Variants in ALMS1 observed in about 807,000 individuals in gnomAD.
ALMS1 encodes the protein centrosome-associated protein ALMS1.
Under a neutral mutation model 352.2 loss-of-function variants are expected in ALMS1, and 271 were observed. The observed-to-expected ratio is 0.77, with a 90% CI of 0.70 to 0.85. The LOEUF (loss-of-function observed/expected upper bound fraction) is 0.85. Ranked by LOEUF, ALMS1 falls within the 40% of genes least tolerant of loss-of-function variation. ALMS1 has a pLI of 0.00. For synonymous variants in ALMS1, 1,865 were observed against 1,761.2 expected (o/e 1.06, Z -1.48); for missense variants, 5,445 against 4,870.7 (o/e 1.12, Z -3.51).
At chr2:73,524,911 G>A (rs188645733) in intron 11 of ALMS1, among the ~76,000 whole-genome samples, 2 of 152,214 alleles carry the variant, frequency 1.3e-5, no homozygotes, top group East Asian at 1.9e-4. Context: ...GTCTCTGGTA[G>A]CCATCTTTCT....
At chr2:73,487,086 G>T (rs1672864909) in intron 9 of ALMS1, among the ~76,000 whole-genome samples, 2 of 152,154 alleles carry the variant, frequency 1.3e-5, no homozygotes, top group African/African-American at 4.8e-5. Context: ...AATGTCACAG[G>T]ATCCTCAGGG....
Position 73,386,066 on chromosome 2 carries a change from A to G in ALMS1, c.198A>G (p.Glu66=). 1 of 1,594,002 alleles carries G rather than the reference A, an allele frequency of 6.3e-7. No homozygotes were observed. Among genetic ancestry groups the G allele is most frequent in the African/African-American group, 1.3e-5 (1 of 74,464 alleles). ...SDSHYGPQHL[E]SIDDEEDEEA... is the part of the protein sequence containing the mutation. Reference sequence around the variant, plus strand: ...CTCACTACGGGCCCCAGCATCTGGAAAGTATAGACGACGAGGAGGACGAGG... The same window carrying G: ...CTCACTACGGGCCCCAGCATCTGGAGAGTATAGACGACGAGGAGGACGAGG... The change falls in exon 1 of 23, where the codon GAA becomes GAG. Residue 66 remains glutamate, a synonymous_variant. Coordinates refer to ENST00000613296, the MANE Select transcript of ALMS1 (RefSeq NM_001378454.1).
chr2:73,497,408 G>A (rs1236425140), intron 10 of ALMS1, among the ~76,000 whole-genome samples: 1 of 151,964 alleles, frequency 6.6e-6, no homozygotes, highest in East Asian at 1.9e-4. Context: ...CGAGTAGTAT[G>A]CACACCATAC....
At chr2:73,432,462 T>G (rs1036678429) in intron 7 of ALMS1, among the ~76,000 whole-genome samples, 171 bp downstream of exon 7, 8 of 147,352 alleles carry the variant, frequency 5.4e-5, no homozygotes, top group African/African-American at 2.2e-4. Context: ...TACAAAAATA[T>G]CTTAGTACTT....
rs750953341 is a variant in ALMS1 at position 73,557,271 on chromosome 2, A to G, written c.10130A>G (p.Lys3377Arg). 1.2e-6 allele frequency: 2 copies of G among 1,614,162 alleles called. No homozygotes were observed. The highest frequency in any genetic ancestry group is 2.7e-5 in the African/African-American group (2 of 75,046). ...GGGGATGAGAACCTCTCAGACAAAA[A>G]ACAGCAAGAGATTCACAGTACAAGG... ...ITGDENLSDK[K>R]QQEIHSTRAV... Residue 3377 changes from lysine (K) to arginine (R), a missense_variant, in exon 14 of 23, where the codon AAA (lysine) becomes AGA (arginine). By Grantham distance (26) the Lys-to-Arg change is conservative. Transcript: ENST00000613296.
At chr2:73,563,718 A>T (rs1161443467) in intron 15 of ALMS1, among the ~76,000 whole-genome samples, 1 of 121,258 alleles carries the variant, frequency 8.2e-6, no homozygotes, top group East Asian at 2.1e-4. Context: ...GCGAGACTCC[A>T]TCTCAAAAAA....
intron 10 of ALMS1, among the ~76,000 whole-genome samples, chr2:73,493,273 A>T (rs918679032): frequency 1.3e-5 from 2 of 151,844 alleles, no homozygotes; most frequent in Non-Finnish European, 2.9e-5. Context: ...CCAAGATCAC[A>T]TGGCCATTGA....
intron 13 of ALMS1, among the ~76,000 whole-genome samples, chr2:73,556,643 T>TG (rs377211781): frequency 0.26 from 36,717 of 140,790 alleles, 4,898 homozygotes; most frequent in African/African-American, 0.44. Context: ...CTTTTTTTTT[T>TG]TGTTTTTTTT....
At chr2:73,472,395 A>G (rs1250564697) in intron 9 of ALMS1, among the ~76,000 whole-genome samples, 1 of 152,106 alleles carries the variant, frequency 6.6e-6, no homozygotes, top group Non-Finnish European at 1.5e-5. Flanking sequence ...TTTATAGTAG[A>G]ATAATACCTC....
intron 9 of ALMS1, among the ~76,000 whole-genome samples, chr2:73,473,808 T>C (rs1251890864): frequency 6.6e-6 from 1 of 151,690 alleles, no homozygotes; most frequent in Non-Finnish European, 1.5e-5. Context: ...TGAAGAAAGG[T>C]CAGATGATTT....
chr2:73,582,881 G>A (rs1225755670), intron 16 of ALMS1, among the ~76,000 whole-genome samples: 2 of 152,062 alleles, frequency 1.3e-5, no homozygotes, highest in South Asian at 2.1e-4. Context: ...AATTCTTTGG[G>A]ATACATACCC....
intron 15 of ALMS1, among the ~76,000 whole-genome samples, chr2:73,566,088 TG>T (rs1674795316): frequency 6.6e-6 from 1 of 152,168 alleles, no homozygotes; most frequent in Non-Finnish European, 1.5e-5. Flanking sequence ...AAACTGGGTA[TG>T]GGGTATAGGT....
chr2:73,426,580 A>C (rs780720149), intron 6 of ALMS1, 27 bp downstream of exon 6: 2 of 1,604,068 alleles, frequency 1.2e-6, no homozygotes, highest in South Asian at 1.1e-5. Context: ...TGATAGTTGT[A>C]AGAAACGTGG....
intron 10 of ALMS1, among the ~76,000 whole-genome samples, chr2:73,509,887 C>A (rs1300250746): frequency 6.6e-6 from 1 of 152,216 alleles, no homozygotes; most frequent in Non-Finnish European, 1.5e-5. Flanking sequence ...CTGTCACTTT[C>A]AGGTACACCA....
intron 1 of ALMS1, among the ~76,000 whole-genome samples, chr2:73,402,360 G>A (rs1442067202): frequency 1.4e-5 from 2 of 138,176 alleles, no homozygotes; most frequent in Non-Finnish European, 3.0e-5. Context: ...TGCAACCTCC[G>A]CCTCCCGAGT....
At position 73,600,880 on chromosome 2, in the gene ALMS1, A is replaced by C. The variant is rs1205653574; in HGVS notation, c.11871A>C (p.Glu3957Asp). 1 of 1,613,164 alleles carries C rather than the reference A, an allele frequency of 6.2e-7. No individual in the cohort carries two copies. The highest frequency in any genetic ancestry group is 8.5e-7 in the Non-Finnish European group (1 of 1,179,460). ...AAAAGAACAAGAAGAATTCCCATGA[A>C]GGTCAGTTTCTCATTCCAGATCTTG... ...KLKKNKKNSH[E>D]GVSWFVPVEN... Residue 3957 changes from glutamate to aspartate, a missense_variant and splice_region_variant, in exon 18 of 23, where the codon GAA (glutamate) becomes GAC (aspartate). Glu to Asp is a conservative substitution (Grantham distance 45). Transcript: ENST00000613296.
At chr2:73,435,770 A>C (rs897439145) in intron 7 of ALMS1, among the ~76,000 whole-genome samples, 24 of 151,846 alleles carry the variant, frequency 1.6e-4, no homozygotes, top group African/African-American at 4.6e-4. Context: ...TTTTCAAAAA[A>C]TTTTTTTGGT....
chr2:73,606,686 T>A (rs2104211460), intron 21 of ALMS1, among the ~76,000 whole-genome samples: 1 of 152,328 alleles, frequency 6.6e-6, no homozygotes, highest in East Asian at 1.9e-4. Context: ...CAATATCATC[T>A]AGTAACTCTT....
intron 16 of ALMS1, among the ~76,000 whole-genome samples, chr2:73,582,516 A>G (rs949036513): frequency 8.7e-5 from 12 of 138,506 alleles, no homozygotes; most frequent in Admixed American, 8.1e-4. Context: ...TACCCATTGA[A>G]CAACAACTGC....
Sources: allele counts gnomAD v4.1 joint callset (sites outside exome capture counted in the v4.1 genomes callset), GRCh38; gene constraint gnomAD v4.1.1; transcripts MANE v1.5; gene names NCBI Gene and HGNC (gene_info 2026-07-23, HGNC 2026-07-21).